Variants in TENM2 observed in about 807,000 individuals in gnomAD.
TENM2 encodes the protein teneurin transmembrane protein 2.
A neutral mutation model predicts 245.2 loss-of-function variants in TENM2; 52 were observed. That is an observed-to-expected ratio of 0.21 (90% CI 0.17 to 0.27). TENM2 has a LOEUF of 0.27. TENM2 is among the 10% of genes least tolerant of loss of function. The pLI is 1.00. For missense variants in TENM2, 3,046 were observed against 3,666.8 expected, an observed-to-expected ratio of 0.83 and a Z score of 4.37; for synonymous variants, 1,363 against 1,438.9, an observed-to-expected ratio of 0.95 and a Z score of 1.19.
intron 2 of TENM2, among the ~76,000 whole-genome samples, chr5:167,834,661 T>TTTTTTC (rs1554127838): frequency 2.4e-5 from 3 of 124,802 alleles, no homozygotes; most frequent in Admixed American, 8.2e-5. Flanking sequence ...TTTTTTTTTT[T>TTTTTTC]CTTTTTGAGA....
intron 2 of TENM2, among the ~76,000 whole-genome samples, chr5:167,543,322 A>G (rs933693843): frequency 1.2e-4 from 18 of 152,238 alleles, no homozygotes; most frequent in Admixed American, 5.2e-4. Context: ...GACACCTTCT[A>G]TTGGTCAAAG....
intron 2 of TENM2, among the ~76,000 whole-genome samples, chr5:167,482,427 C>T (rs1006494230): frequency 1.3e-5 from 2 of 151,910 alleles, no homozygotes; most frequent in Non-Finnish European, 2.9e-5. Flanking sequence ...GGGTTTTGAA[C>T]CCCCCTCCTT....
At chr5:167,891,537 T>A (rs1043787025) in intron 3 of TENM2, among the ~76,000 whole-genome samples, 1 of 152,148 alleles carries the variant, frequency 6.6e-6, no homozygotes, top group Non-Finnish European at 1.5e-5. Flanking sequence ...AATATCCTTA[T>A]TACATAGCTG....
chr5:168,238,709 T>C (rs958432040), intron 25 of TENM2, among the ~76,000 whole-genome samples: 3 of 152,210 alleles, frequency 2.0e-5, no homozygotes, highest in African/African-American at 7.2e-5. Context: ...ATGAGCTTCC[T>C]TGTGACAGGC....
At chr5:167,919,180 A>G (rs1447128276) in intron 3 of TENM2, among the ~76,000 whole-genome samples, 1 of 152,238 alleles carries the variant, frequency 6.6e-6, no homozygotes, top group Middle Eastern at 3.4e-3. Context: ...TCTCCCTGGT[A>G]TGGATCAACA....
exon 18 of TENM2, chr5:168,203,697 G>T: frequency 6.2e-7 from 1 of 1,605,442 alleles, no homozygotes; most frequent in Non-Finnish European, 8.5e-7. Context: ...AGTGTCTGTC[G>T]GGTTTGAATA....
At chr5:167,413,383 G>A (rs1378804759) in intron 2 of TENM2, among the ~76,000 whole-genome samples, 2 of 152,060 alleles carry the variant, frequency 1.3e-5, no homozygotes, top group South Asian at 2.1e-4. Flanking sequence ...ACTCACCACA[G>A]AGTGAGCATG....
At chr5:167,544,613 T>C (rs1312685762) in intron 2 of TENM2, among the ~76,000 whole-genome samples, 1 of 152,232 alleles carries the variant, frequency 6.6e-6, no homozygotes, top group Non-Finnish European at 1.5e-5. Flanking sequence ...TGTCTAGCTA[T>C]ATTTATATAT....
Position 168,193,261 on chromosome 5 carries a change from A to G in TENM2, c.2781-1915A>G, listed in dbSNP as rs972798718. On this transcript the variant is annotated intron_variant, in intron 14 of 28. Coordinates refer to ENST00000518659, the Ensembl canonical transcript of TENM2. The stretch of plus-strand genomic sequence containing the variant: ...TCAGTAAGCGTGTGAATTCCAGTAC[A>G]TTATCATCTTACAAATAACGAAGGA... 6.6e-5 allele frequency among the ~76,000 whole-genome samples: 10 copies of G among 152,362 alleles called. No homozygotes were observed. The East Asian group carries it at 1.7e-3, about 26-fold the overall frequency.
At chr5:167,698,034 T>TG (rs78547256) in intron 2 of TENM2, among the ~76,000 whole-genome samples, 19,485 of 152,168 alleles carry the variant, frequency 0.13, 1,665 homozygotes, top group African/African-American at 0.23. Context: ...TTTGCCTTTA[T>TG]TTTCCAAGAA....
intron 7 of TENM2, among the ~76,000 whole-genome samples, chr5:168,076,601 G>A (rs1791500348): frequency 6.6e-6 from 1 of 152,128 alleles, no homozygotes; most frequent in Admixed American, 6.5e-5. Context: ...AGCTCCAGGA[G>A]GACAGGAACC....
chr5:167,190,510 T>C, the TENM2 span, among the ~76,000 whole-genome samples: 1 of 152,068 alleles, frequency 6.6e-6, no homozygotes, highest in Non-Finnish European at 1.5e-5. Flanking sequence ...CAAAAGTCTT[T>C]AACATTGAGC....
chr5:167,964,037 T>C (rs1211867096), intron 4 of TENM2, among the ~76,000 whole-genome samples: 3 of 152,222 alleles, frequency 2.0e-5, no homozygotes, highest in Admixed American at 1.3e-4. Context: ...CTGTCTTTTC[T>C]TAAGTAGTGT....
chr5:167,104,221 G>GGTAAAAGTA, the TENM2 span, among the ~76,000 whole-genome samples: 2 of 151,952 alleles, frequency 1.3e-5, no homozygotes, highest in African/African-American at 4.8e-5. Context: ...TACAGTGCTT[G>GGTAAAAGTA]CTACTTGGCG....
At chr5:167,145,991 C>T in the TENM2 span, among the ~76,000 whole-genome samples, 1 of 152,068 alleles carries the variant, frequency 6.6e-6, no homozygotes, top group South Asian at 2.1e-4. Context: ...TGGAACTCCC[C>T]GTGACAGATG....
At chr5:167,232,357 A>T in the TENM2 span, among the ~76,000 whole-genome samples, 18,509 of 151,068 alleles carry the variant, frequency 0.12, 1,407 homozygotes, top group Admixed American at 0.18. Flanking sequence ...CTGTGAGTCC[A>T]TTAAACCTCT....
the TENM2 span, among the ~76,000 whole-genome samples, chr5:167,047,024 T>C: frequency 1.3e-5 from 2 of 152,178 alleles, no homozygotes; most frequent in African/African-American, 4.8e-5. Context: ...TCCCTGCAAA[T>C]GTCCTTTGAT....
chr5:167,256,055 G>C, the TENM2 span, among the ~76,000 whole-genome samples: 1 of 152,096 alleles, frequency 6.6e-6, no homozygotes, highest in Non-Finnish European at 1.5e-5. Context: ...CTTTATTCCC[G>C]TTCATTATGC....
chr5:167,709,633 T>C (rs1331784244), intron 2 of TENM2, among the ~76,000 whole-genome samples: 2 of 152,220 alleles, frequency 1.3e-5, no homozygotes, highest in African/African-American at 4.8e-5. Context: ...TGTCTCTTTC[T>C]CAGGACAGCT....
Sources: gnomAD v4.1 joint callset for allele counts (sites outside exome capture counted in the v4.1 genomes callset) on GRCh38, gnomAD v4.1.1 for gene constraint, MANE v1.5 for transcripts, NCBI Gene and HGNC (gene_info 2026-07-23, HGNC 2026-07-21) for gene names.